Variants in TACC2 observed in about 807,000 individuals in gnomAD.
The protein encoded by TACC2 is transforming acidic coiled-coil containing protein 2.
Under a neutral mutation model 227.3 loss-of-function variants are expected in TACC2, and 137 were observed. That is an observed-to-expected ratio of 0.60 (90% CI 0.52 to 0.69). The LOEUF (loss-of-function observed/expected upper bound fraction) is 0.69, where lower values mean the gene tolerates loss of function less well. Ranked by LOEUF, TACC2 falls within the 30% of genes least tolerant of loss-of-function variation. The pLI, the probability that TACC2 is intolerant of heterozygous loss-of-function variation, is 0.00. For missense variants in TACC2, 3,470 were observed against 3,694.4 expected, an observed-to-expected ratio of 0.94 and a Z score of 1.57; for synonymous variants, 1,523 against 1,487.5, an observed-to-expected ratio of 1.02 and a Z score of -0.55.
At chr10:122,106,725 T>C (rs1381484834) in intron 5 of TACC2, among the ~76,000 whole-genome samples, 1 of 152,232 alleles carries the variant, frequency 6.6e-6, no homozygotes, top group East Asian at 1.9e-4. Context: ...TGACAGCCCT[T>C]TGAAGATGCT....
At chr10:122,176,761 CA>C (rs1472172761) in intron 7 of TACC2, among the ~76,000 whole-genome samples, 3 of 152,056 alleles carry the variant, frequency 2.0e-5, no homozygotes, top group Non-Finnish European at 4.4e-5. Context: ...GGCTGGGCTA[CA>C]AATTAAATGG....
intron 8 of TACC2, among the ~76,000 whole-genome samples, chr10:122,196,876 C>T (rs1315846991): frequency 7.3e-6 from 1 of 136,490 alleles, no homozygotes; most frequent in African/African-American, 2.8e-5. Context: ...GCGGAGTTTG[C>T]AGTGAGCGGA....
intron 6 of TACC2, among the ~76,000 whole-genome samples, chr10:122,136,543 G>A (rs2089681697): frequency 7.0e-6 from 1 of 143,256 alleles, no homozygotes; most frequent in African/African-American, 2.6e-5. Flanking sequence ...TTGTGTGTGT[G>A]TGTATATATA....
At chr10:122,019,191 A>G (rs1957045086) in intron 1 of TACC2, among the ~76,000 whole-genome samples, 1 of 152,220 alleles carries the variant, frequency 6.6e-6, no homozygotes, top group South Asian at 2.1e-4. Flanking sequence ...AAGTCTGCCT[A>G]TCAGCGATCT....
chr10:122,122,639 G>T (rs183296414), intron 5 of TACC2, among the ~76,000 whole-genome samples: 34 of 152,178 alleles, frequency 2.2e-4, no homozygotes, highest in African/African-American at 7.9e-4. Context: ...ACAGCTTCTT[G>T]TTCCTTAGCT....
intron 18 of TACC2, chr10:122,241,592 AT>A (rs5788538): frequency 1.5e-4 from 39 of 267,856 alleles, no homozygotes; most frequent in Non-Finnish European, 1.9e-4. Context: ...TGCCTTATTA[AT>A]TTTTTTTTCA....
Position 122,238,049 on chromosome 10 carries a change from A to T in TACC2, c.8348+12A>T, listed in dbSNP as rs1415098040. 10 of 1,612,490 alleles carry T rather than the reference A, an allele frequency of 6.2e-6. No homozygotes were observed. Among genetic ancestry groups the T allele is most frequent in the Middle Eastern group, 1.6e-4 (1 of 6,082 alleles). Reference sequence around the variant, plus strand: ...GTGATGGAAATGAGGTCAGTTGGGGAGCTGGGCCTTCCTCGTGCCTGAGGG... The same window carrying T: ...GTGATGGAAATGAGGTCAGTTGGGGTGCTGGGCCTTCCTCGTGCCTGAGGG... On this transcript the variant is annotated intron_variant, in intron 18 of 22. Transcript: ENST00000369005.
rs964579293 is a variant in TACC2 at position 122,229,502 on chromosome 10, G to A, written c.8037+16G>A. The stretch of plus-strand genomic sequence containing the variant: ...GAAACTCCAGGTTTGTAGCCCACGT[G>A]TGACCTTTTGGGAGTTTGTCAAAAC... On this transcript the variant is annotated intron_variant, in intron 15 of 22. Coordinates refer to ENST00000369005, the MANE Select transcript of TACC2 (RefSeq NM_206862.4). The A allele has an allele frequency of 2.5e-6, 4 of 1,613,882 alleles. No individual in the cohort carries two copies. Among genetic ancestry groups the A allele is most frequent in the Non-Finnish European group, 2.5e-6 (3 of 1,179,984 alleles).
intron 3 of TACC2, among the ~76,000 whole-genome samples, chr10:122,074,226 G>A (rs1226192318): frequency 6.6e-6 from 1 of 151,822 alleles, no homozygotes; most frequent in Non-Finnish European, 1.5e-5. Flanking sequence ...GACTACAGGT[G>A]CCTGCCAACT....
rs1038412876 is a variant in TACC2, at chr10:122,163,757, T to TCG, written c.5834+20053_5834+20054dup. The TCG allele has an allele frequency of 1.1e-4, 129 of 1,200,498 alleles. No homozygotes were observed. In the African/African-American group the frequency reaches 1.9e-3, roughly 18 times the overall value. 74.4% of individuals were successfully genotyped at this position (1,200,498 alleles called of 1,614,324 possible). On this transcript the variant is annotated intron_variant, in intron 7 of 22. Coordinates refer to ENST00000369005, the MANE Select transcript of TACC2 (RefSeq NM_206862.4). ...CCCGGCCCCCGGCTCGGGCCGCGAG[T>TCG]CGCAGCTCCCTGCCGCCGCTCCCGC...
chr10:122,144,511 C>T (rs528567162), intron 7 of TACC2, among the ~76,000 whole-genome samples: 198 of 152,328 alleles, frequency 1.3e-3, no homozygotes, highest in African/African-American at 4.5e-3. Context: ...AACGGCAGGC[C>T]TCGGTCCTCA....
chr10:122,135,238 G>A (rs2089355944), intron 6 of TACC2, among the ~76,000 whole-genome samples: 1 of 152,140 alleles, frequency 6.6e-6, no homozygotes, highest in South Asian at 2.1e-4. Flanking sequence ...AGGCTTCCTC[G>A]AGATACCGTG....
chr10:122,154,318 A>G (rs569710475), intron 7 of TACC2, among the ~76,000 whole-genome samples: 1 of 152,348 alleles, frequency 6.6e-6, no homozygotes, highest in East Asian at 1.9e-4. Context: ...TGGTCTTAAG[A>G]TCGTAGGCAC....
At chr10:122,237,347 T>C (rs1258218354) in intron 16 of TACC2, 48 bp from the exon 17 acceptor site, 1 of 1,558,320 alleles carries the variant, frequency 6.4e-7, no homozygotes, top group African/African-American at 1.4e-5. Flanking sequence ...CTCTTTGTCG[T>C]ATGATTAATG....
chr10:122,149,814 G>A (rs796616061), intron 7 of TACC2, among the ~76,000 whole-genome samples: 35 of 152,314 alleles, frequency 2.3e-4, no homozygotes, highest in African/African-American at 7.5e-4. Flanking sequence ...GACCAAACTG[G>A]GCTCTCGTGG....
intron 1 of TACC2, among the ~76,000 whole-genome samples, chr10:122,013,758 A>C (rs1048465011): frequency 7.9e-5 from 12 of 152,168 alleles, no homozygotes; most frequent in Admixed American, 6.5e-4. Context: ...TCTGGTCTGG[A>C]GAAGCAATTC....
In TACC2 at chr10:122,087,189, A is replaced by G; in HGVS notation, c.4689A>G (p.Pro1563=). Residue 1563 remains proline (P), a synonymous_variant, in exon 4 of 23, where the codon CCA becomes CCG. Transcript: ENST00000369005. ...AATTAGCTTCAGGTCTTCCTTCACC[A>G]GCAGCTACTCAGGAGCTCCCTGTGG... ...RQELASGLPS[P]AATQELPVER... 1 of 1,611,990 alleles carries G rather than the reference A, an allele frequency of 6.2e-7. No individual in the cohort carries two copies. Among genetic ancestry groups the G allele is most frequent in the Non-Finnish European group, 8.5e-7 (1 of 1,179,268 alleles).
At chr10:122,011,353 CAG>C (rs754010672) in intron 1 of TACC2, among the ~76,000 whole-genome samples, 25 of 152,288 alleles carry the variant, frequency 1.6e-4, no homozygotes, top group Admixed American at 3.9e-4. Context: ...TGTTTTAAGA[CAG>C]AGTCTCGCTC....
intron 3 of TACC2, among the ~76,000 whole-genome samples, chr10:122,060,509 G>A (rs1297411123): frequency 2.6e-5 from 4 of 152,188 alleles, no homozygotes; most frequent in Non-Finnish European, 2.9e-5. Flanking sequence ...TGGCCTTTGA[G>A]GCCACAGACT....
Sources: allele counts gnomAD v4.1 joint callset (sites outside exome capture counted in the v4.1 genomes callset), GRCh38; gene constraint gnomAD v4.1.1; transcripts MANE v1.5; gene names NCBI Gene and HGNC (gene_info 2026-07-23, HGNC 2026-07-21).